The following CTNNA2 variants were observed in gnomAD, a reference collection of about 807,000 sequenced individuals.
CTNNA2 encodes catenin alpha-2.
CTNNA2 carries 42 observed loss-of-function variants against 101.0 expected under a neutral mutation model. The ratio of observed to expected loss-of-function variants is 0.42; its 90% confidence interval spans 0.32 to 0.54. The LOEUF is 0.54. CTNNA2 is among the 20% of genes least tolerant of loss of function. The probability of loss-of-function intolerance (pLI) is 0.14; values close to 1 mark genes in which losing one functional copy is unlikely to be tolerated. For synonymous variants in CTNNA2, 450 were observed against 456.4 expected, an observed-to-expected ratio of 0.99 and a Z score of 0.18; for missense variants, 871 against 1,223.1, an observed-to-expected ratio of 0.71 and a Z score of 4.29.
chr2:79,559,959 A>T (rs1674675942), intron 1 of CTNNA2, among the ~76,000 whole-genome samples: 1 of 151,936 alleles, frequency 6.6e-6, no homozygotes, highest in Admixed American at 6.6e-5. Context: ...TGGGGCTCTT[A>T]GAAGTTAGTT....
chr2:79,217,815 C>T lies in CTNNA2; in HGVS notation c.-406+19739C>T, dbSNP rs186482146. Among the ~76,000 whole-genome samples, 297 of 152,324 alleles carry T rather than the reference C, an allele frequency of 1.9e-3. 1 individual carries two copies. Among genetic ancestry groups the T allele is most frequent in the African/African-American group, 7.0e-3 (290 of 41,562 alleles). On this transcript the variant is annotated intron_variant, in intron 2 of 21. Coordinates refer to the CTNNA2 transcript ENST00000466387. ...AGATAAACACAAAACCTCATTCTAA[C>T]ATCCTATCTACCCAATTCCTATTTT...
chr2:80,589,858 C>CTG (rs1491242042), intron 15 of CTNNA2, among the ~76,000 whole-genome samples: 2 of 123,312 alleles, frequency 1.6e-5, no homozygotes, highest in African/African-American at 3.4e-5. Context: ...AAATATGTAC[C>CTG]TCTGTGTGTG....
intron 1 of CTNNA2, among the ~76,000 whole-genome samples, chr2:79,543,451 A>G (rs915848962): frequency 6.6e-6 from 1 of 152,182 alleles, no homozygotes; most frequent in Non-Finnish European, 1.5e-5. Flanking sequence ...TTCTTTAAAG[A>G]TGTTTTTAAA....
At position 80,327,635 on chromosome 2, in the gene CTNNA2, A is replaced by G. The variant is rs1182701998; in HGVS notation, c.1057-65576A>G. ...GCTGCAAATACAATCCTTGGAAACA[A>G]CGAGGACGTGTGGAAATCTAAGTAT... is the stretch of plus-strand genomic sequence containing the variant. On this transcript the variant is annotated intron_variant, in intron 7 of 18. Coordinates refer to ENST00000402739, the MANE Select transcript of CTNNA2 (RefSeq NM_001282597.3). 7.9e-5 allele frequency among the ~76,000 whole-genome samples: 12 copies of G among 152,378 alleles called. No individual in the cohort carries two copies. In the East Asian group the frequency reaches 2.1e-3, roughly 27 times the overall value.
chr2:80,315,319 T>C (rs1421106532), intron 7 of CTNNA2, among the ~76,000 whole-genome samples: 1 of 152,206 alleles, frequency 6.6e-6, no homozygotes, highest in Non-Finnish European at 1.5e-5. Context: ...AATCACTTTA[T>C]TTAGTTTCTG....
At chr2:79,730,525 T>C (rs1687131584) in intron 2 of CTNNA2, among the ~76,000 whole-genome samples, 1 of 152,042 alleles carries the variant, frequency 6.6e-6, no homozygotes, top group Non-Finnish European at 1.5e-5. Flanking sequence ...ATAATTTTCT[T>C]CATAGGAGAC....
At chr2:80,053,548 C>G (rs1317362739) in intron 7 of CTNNA2, among the ~76,000 whole-genome samples, 1 of 152,166 alleles carries the variant, frequency 6.6e-6, no homozygotes, top group African/African-American at 2.4e-5. Flanking sequence ...ACTAATGACG[C>G]CTTTCGTTAT....
chr2:79,364,071 T>C (rs769747917), intron 3 of CTNNA2, among the ~76,000 whole-genome samples: 4 of 152,172 alleles, frequency 2.6e-5, no homozygotes, highest in Non-Finnish European at 5.9e-5. Context: ...TAGCAAATCA[T>C]GTGTATTAAA....
chr2:80,423,400 A>T (rs1680706258), intron 9 of CTNNA2, among the ~76,000 whole-genome samples: 2 of 152,148 alleles, frequency 1.3e-5, no homozygotes, highest in Admixed American at 1.3e-4. Context: ...ATGTGGGTCC[A>T]ATATACTCAA....
At chr2:80,057,355 C>A (rs192173786) in intron 7 of CTNNA2, among the ~76,000 whole-genome samples, 1 of 152,010 alleles carries the variant, frequency 6.6e-6, no homozygotes, top group African/African-American at 2.4e-5. Context: ...ATAATTTGTC[C>A]GGAACTAACC....
intron 2 of CTNNA2, among the ~76,000 whole-genome samples, chr2:79,673,537 C>T (rs148737029): frequency 7.2e-5 from 11 of 152,250 alleles, no homozygotes; most frequent in African/African-American, 7.2e-5. Flanking sequence ...CTAGAAAGAA[C>T]TGTTTTGTCT....
chr2:79,380,833 A>G (rs538830085), intron 4 of CTNNA2, among the ~76,000 whole-genome samples: 9 of 152,312 alleles, frequency 5.9e-5, no homozygotes, highest in Admixed American at 5.2e-4. Flanking sequence ...CTGCTATAAC[A>G]TTGCTGTAAA....
intron 7 of CTNNA2, among the ~76,000 whole-genome samples, chr2:80,147,129 C>G (rs1230241513): frequency 6.6e-6 from 1 of 151,868 alleles, no homozygotes; most frequent in East Asian, 1.9e-4. Flanking sequence ...TCATGCCTGG[C>G]TAATTTTTGT....
At chr2:79,725,057 T>G (rs561535243) in intron 2 of CTNNA2, among the ~76,000 whole-genome samples, 1 of 152,206 alleles carries the variant, frequency 6.6e-6, no homozygotes, top group Non-Finnish European at 1.5e-5. Context: ...TTTTGTAGAA[T>G]TTAGGTCCAT....
intron 7 of CTNNA2, among the ~76,000 whole-genome samples, chr2:80,118,325 A>T (rs567755648): frequency 1.3e-5 from 2 of 152,322 alleles, no homozygotes; most frequent in South Asian, 4.1e-4. Context: ...TCGTCATTGG[A>T]ATGGAGGAAG....
At chr2:79,389,294 A>C (rs1678140571) in intron 4 of CTNNA2, among the ~76,000 whole-genome samples, 1 of 152,186 alleles carries the variant, frequency 6.6e-6, no homozygotes, top group Admixed American at 6.6e-5. Context: ...AATAACAAAA[A>C]TTTGATTGAT....
intron 4 of CTNNA2, among the ~76,000 whole-genome samples, chr2:79,412,809 G>A (rs187316626): frequency 3.7e-4 from 56 of 152,150 alleles, no homozygotes; most frequent in Admixed American, 2.3e-3. Flanking sequence ...ATGGTGAAGG[G>A]ATTAGAAGGC....
chr2:80,632,946 TG>T (rs1672455956), intron 18 of CTNNA2, among the ~76,000 whole-genome samples: 1 of 152,176 alleles, frequency 6.6e-6, no homozygotes, highest in Non-Finnish European at 1.5e-5. Context: ...GATTACAGAG[TG>T]TCCAAACTTT....
At chr2:79,968,404 G>A (rs982609420) in intron 7 of CTNNA2, among the ~76,000 whole-genome samples, 4 of 152,132 alleles carry the variant, frequency 2.6e-5, no homozygotes, top group African/African-American at 9.7e-5. Flanking sequence ...AATAGGCTGA[G>A]TGCAGTGGTG....
Sources: allele counts gnomAD v4.1 joint callset (sites outside exome capture counted in the v4.1 genomes callset), GRCh38; gene constraint gnomAD v4.1.1; transcripts MANE v1.5; gene names NCBI Gene and HGNC (gene_info 2026-07-23, HGNC 2026-07-21).